Variants in SNTG1 observed in about 807,000 individuals in gnomAD.
SNTG1 encodes the protein syntrophin gamma 1, also known as gamma-1-syntrophin.
Under a neutral mutation model 74.7 loss-of-function variants are expected in SNTG1, and 39 were observed. The ratio of observed to expected loss-of-function variants is 0.52; its 90% CI spans 0.40 to 0.68. SNTG1 has a LOEUF of 0.68. SNTG1 is among the 30% of genes least tolerant of loss of function. The probability of loss-of-function intolerance (pLI) is 0.00; values close to 1 mark genes in which losing one functional copy is unlikely to be tolerated. For synonymous variants in SNTG1, 254 were observed against 217.1 expected (o/e 1.17, Z -1.49); for missense variants, 685 against 609.5 (o/e 1.12, Z -1.30).
intron 1 of SNTG1, among the ~76,000 whole-genome samples, chr8:49,930,139 G>A (rs1807430547): frequency 2.0e-5 from 3 of 151,858 alleles, no homozygotes; most frequent in South Asian, 4.1e-4. Context: ...AAATATCTTG[G>A]AGATGAGGAC....
intron 2 of SNTG1, among the ~76,000 whole-genome samples, chr8:50,173,091 G>A (rs141090425): frequency 5.3e-5 from 8 of 152,176 alleles, no homozygotes; most frequent in East Asian, 1.9e-4. Context: ...AGTGGGTTGC[G>A]ATGCTTGGCA....
intron 12 of SNTG1, among the ~76,000 whole-genome samples, chr8:50,587,021 C>CTTATG (rs1217795510): frequency 6.6e-6 from 1 of 151,954 alleles, no homozygotes; most frequent in Non-Finnish European, 1.5e-5. Flanking sequence ...CATTGTCATA[C>CTTATG]ACATATGTCT....
At chr8:50,005,886 C>A (rs1815175616) in intron 1 of SNTG1, among the ~76,000 whole-genome samples, 1 of 151,574 alleles carries the variant, frequency 6.6e-6, no homozygotes, top group Non-Finnish European at 1.5e-5. Context: ...CATCTCAGCT[C>A]CAAAACTGAG....
chr8:50,773,236 G>C (rs1351672376), intron 18 of SNTG1, among the ~76,000 whole-genome samples: 1 of 152,090 alleles, frequency 6.6e-6, no homozygotes, highest in Non-Finnish European at 1.5e-5. Flanking sequence ...CAAGAAAGAT[G>C]CTGGTGAAAA....
At chr8:50,685,125 T>G (rs1471902479) in intron 15 of SNTG1, among the ~76,000 whole-genome samples, 1 of 152,082 alleles carries the variant, frequency 6.6e-6, no homozygotes, top group Non-Finnish European at 1.5e-5. Flanking sequence ...AATAAATCAG[T>G]AAGGATGCTA....
chr8:50,784,420 G>A (rs1379671788), intron 18 of SNTG1, among the ~76,000 whole-genome samples: 3 of 152,036 alleles, frequency 2.0e-5, no homozygotes, highest in African/African-American at 4.8e-5. Context: ...AAGGCTTTAA[G>A]TCAAAAATTG....
At chr8:50,395,769 C>G (rs1434255572) in intron 3 of SNTG1, among the ~76,000 whole-genome samples, 1 of 152,150 alleles carries the variant, frequency 6.6e-6, no homozygotes, top group Non-Finnish European at 1.5e-5. Context: ...ACTCGGCCTC[C>G]CAAAGTGCTG....
chr8:50,509,347 C>CA (rs2094042411), intron 9 of SNTG1, among the ~76,000 whole-genome samples: 2 of 152,220 alleles, frequency 1.3e-5, no homozygotes, highest in South Asian at 4.1e-4. Flanking sequence ...AGTCAGGTAG[C>CA]GTGATGCCTC....
chr8:50,784,117 C>T (rs116887704), intron 18 of SNTG1, among the ~76,000 whole-genome samples: 2,419 of 152,236 alleles, frequency 0.016, 39 homozygotes, highest in Middle Eastern at 0.034. Context: ...AGATCCAGTT[C>T]GCCAGTAGGC....
chr8:50,783,788 G>T (rs539276519), intron 18 of SNTG1, among the ~76,000 whole-genome samples: 1 of 152,174 alleles, frequency 6.6e-6, no homozygotes, highest in African/African-American at 2.4e-5. Flanking sequence ...GGTCTTCTGC[G>T]TCGCTCACGC....
At chr8:50,378,016 A>C (rs529280395) in intron 2 of SNTG1, among the ~76,000 whole-genome samples, 2 of 152,316 alleles carry the variant, frequency 1.3e-5, no homozygotes, top group African/African-American at 2.4e-5. Flanking sequence ...GCTCAGGTCC[A>C]CTGGGCTCGT....
intron 1 of SNTG1, among the ~76,000 whole-genome samples, chr8:49,936,641 C>T (rs1808106099): frequency 6.6e-6 from 1 of 152,120 alleles, no homozygotes; most frequent in Admixed American, 6.5e-5. Flanking sequence ...TAAAATTCTT[C>T]CTGCCACTTA....
At chr8:50,169,651 T>C (rs2082738490) in intron 1 of SNTG1, among the ~76,000 whole-genome samples, 1 of 152,354 alleles carries the variant, frequency 6.6e-6, no homozygotes, top group African/African-American at 2.4e-5. Context: ...TTGATTAACC[T>C]ACCATTTTTA....
intron 2 of SNTG1, among the ~76,000 whole-genome samples, chr8:50,248,857 C>T (rs923386436): frequency 2.6e-5 from 4 of 152,144 alleles, no homozygotes; most frequent in Non-Finnish European, 5.9e-5. Flanking sequence ...TTTATAAATT[C>T]TATTCTCACT....
chr8:50,570,341 C>T (rs897881908), intron 12 of SNTG1, among the ~76,000 whole-genome samples: 16 of 146,262 alleles, frequency 1.1e-4, no homozygotes, highest in African/African-American at 3.8e-4. Context: ...TCAATGCAAC[C>T]TCCGCCTCCA....
intron 17 of SNTG1, among the ~76,000 whole-genome samples, chr8:50,751,268 T>A (rs551293592): frequency 6.6e-6 from 1 of 152,034 alleles, no homozygotes; most frequent in East Asian, 1.9e-4. Flanking sequence ...ACTTTGGACA[T>A]GCATGTTTTT....
At chr8:50,214,582 G>T (rs1051930802) in intron 2 of SNTG1, among the ~76,000 whole-genome samples, 1 of 152,022 alleles carries the variant, frequency 6.6e-6, no homozygotes, top group Non-Finnish European at 1.5e-5. Context: ...GAAAATTGGG[G>T]TCAAGAAAAT....
At chr8:50,358,267 C>T (rs1338309596) in intron 2 of SNTG1, among the ~76,000 whole-genome samples, 1 of 152,208 alleles carries the variant, frequency 6.6e-6, no homozygotes, top group Admixed American at 6.5e-5. Context: ...GGATAGTTTT[C>T]AGTTTGTTTG....
intron 18 of SNTG1, among the ~76,000 whole-genome samples, chr8:50,767,338 A>G (rs1211808049): frequency 6.6e-6 from 1 of 151,988 alleles, no homozygotes; most frequent in East Asian, 1.9e-4. Context: ...AATACTGAAG[A>G]AAATCGTGTG....
Sources: allele counts gnomAD v4.1 joint callset (sites outside exome capture counted in the v4.1 genomes callset), GRCh38; gene constraint gnomAD v4.1.1; transcripts MANE v1.5; gene names NCBI Gene and HGNC (gene_info 2026-07-23, HGNC 2026-07-21).